Variants in ZBTB20 observed in about 807,000 individuals in gnomAD.
ZBTB20 encodes the protein zinc finger and BTB domain containing 20, also known as zinc finger and BTB domain-containing protein 20.
A neutral mutation model predicts 56.9 loss-of-function variants in ZBTB20; 9 were observed. The observed-to-expected ratio is 0.16, with a 90% confidence interval of 0.10 to 0.28. ZBTB20 has a LOEUF of 0.28. Among genes scored for constraint, ZBTB20 ranks in the 10% least tolerant of loss-of-function variants. The probability of loss-of-function intolerance (pLI) is 1.00; values close to 1 mark genes in which losing one functional copy is unlikely to be tolerated. For synonymous variants in ZBTB20, 417 were observed against 420.7 expected (o/e 0.99, Z 0.11); for missense variants, 655 against 1,003.0 (o/e 0.65, Z 4.69).
intron 6 of ZBTB20, among the ~76,000 whole-genome samples, chr3:114,608,976 C>T (rs1156761115): frequency 6.6e-6 from 1 of 152,190 alleles, no homozygotes. Context: ...TGAGTCCAGT[C>T]TTTGTCCTGC....
At chr3:114,633,035 A>G (rs911264769) in intron 6 of ZBTB20, among the ~76,000 whole-genome samples, 1 of 152,242 alleles carries the variant, frequency 6.6e-6, no homozygotes, top group Admixed American at 6.5e-5. Flanking sequence ...TTTACTACAT[A>G]GAAAGAATTA....
At chr3:114,564,803 T>G (rs974243699) in intron 6 of ZBTB20, among the ~76,000 whole-genome samples, 3 of 152,228 alleles carry the variant, frequency 2.0e-5, no homozygotes, top group African/African-American at 7.2e-5. Context: ...ATCTTTCTTG[T>G]GCTCTTCCTT....
At chr3:114,868,776 G>A (rs1474704110) in intron 4 of ZBTB20, among the ~76,000 whole-genome samples, 2 of 151,922 alleles carry the variant, frequency 1.3e-5, no homozygotes, top group East Asian at 1.9e-4. Flanking sequence ...AGTATTTTTT[G>A]TTCATAATAA....
At chr3:114,687,635 G>T (rs890492847) in intron 6 of ZBTB20, 2 of 142,920 alleles carry the variant, frequency 1.4e-5, no homozygotes, top group Non-Finnish European at 3.1e-5. Flanking sequence ...AAGAAAGAAA[G>T]AAATGAGTTC....
At chr3:114,807,428 TC>T (rs1175370306) in intron 4 of ZBTB20, among the ~76,000 whole-genome samples, 2 of 151,594 alleles carry the variant, frequency 1.3e-5, no homozygotes, top group Non-Finnish European at 2.9e-5. Flanking sequence ...TCCCTTCCCC[TC>T]CCCCTCCCCT....
Position 114,337,103 on chromosome 3 carries a change from G to A in ZBTB20, c.*1902C>T, listed in dbSNP as rs1263710251. On this transcript the variant is annotated 3_prime_UTR_variant, in exon 12 of 12. Coordinates refer to ENST00000675478, the MANE Select transcript of ZBTB20 (RefSeq NM_001348800.3). Reference sequence around the variant, plus strand: ...TTTTGAATGGTGGCTGTTGGCATCTGGGAATTTTTTTGTTAATTTCCCTAA... The same window carrying A: ...TTTTGAATGGTGGCTGTTGGCATCTAGGAATTTTTTTGTTAATTTCCCTAA... The A allele has an allele frequency of 6.6e-6, 1 of 152,170 alleles. No homozygotes were observed. The highest frequency in any genetic ancestry group is 2.4e-5 in the African/African-American group (1 of 41,442). 9.4% of individuals were successfully genotyped at this position (152,170 alleles called of 1,614,324 possible).
intron 5 of ZBTB20, among the ~76,000 whole-genome samples, chr3:114,733,268 G>A (rs1323538617): frequency 6.6e-6 from 1 of 152,124 alleles, no homozygotes. Context: ...GTCTCAATAA[G>A]GCTTGACTTT....
intron 7 of ZBTB20, among the ~76,000 whole-genome samples, chr3:114,430,716 A>G (rs919788792): frequency 6.6e-6 from 1 of 152,208 alleles, no homozygotes; most frequent in African/African-American, 2.4e-5. Context: ...CTAAAAACAT[A>G]AAAAATACCC....
intron 5 of ZBTB20, among the ~76,000 whole-genome samples, chr3:114,775,468 ATTT>A (rs2069523282): frequency 6.6e-6 from 1 of 150,530 alleles, no homozygotes; most frequent in Non-Finnish European, 1.5e-5. Flanking sequence ...CTGTTGCCTT[ATTT>A]AATTTTTTTT....
At position 114,320,120 on chromosome 3, in the gene ZBTB20, A is replaced by AT. The variant is rs1330583029; in HGVS notation, c.*18884dup. Reference sequence around the variant, plus strand: ...TATTTTCAGCATTGTAGTTTAAACTATGTATTTTTCTTACTTGATGATATT... The same window carrying AT: ...TATTTTCAGCATTGTAGTTTAAACTATTGTATTTTTCTTACTTGATGATATT... On this transcript the variant is annotated 3_prime_UTR_variant, in exon 12 of 12. Coordinates refer to ENST00000675478, the MANE Select transcript of ZBTB20 (RefSeq NM_001348800.3). The AT allele has an allele frequency of 6.6e-6, 1 of 152,090 alleles. No homozygotes were observed. Among genetic ancestry groups the AT allele is most frequent in the African/African-American group, 2.4e-5 (1 of 41,412 alleles). The allele number at this position is 152,090 out of a possible 1,614,324, so 9.4% of individuals were successfully genotyped here. A position where few individuals can be genotyped will look rare whatever the true frequency, so the allele number is the denominator to read the frequency against.
chr3:114,384,533 T>A (rs193258464), intron 8 of ZBTB20, among the ~76,000 whole-genome samples: 5 of 151,730 alleles, frequency 3.3e-5, no homozygotes, highest in Admixed American at 2.6e-4. Context: ...AGTTCTGACA[T>A]TCTGACTGAA....
At chr3:115,000,706 C>T (rs2079211051) in intron 2 of ZBTB20, among the ~76,000 whole-genome samples, 1 of 151,618 alleles carries the variant, frequency 6.6e-6, no homozygotes, top group South Asian at 2.1e-4. Context: ...CTCAGTGTTA[C>T]TCAGTGATGT....
At chr3:114,946,458 C>A (rs1259518655) in intron 3 of ZBTB20, among the ~76,000 whole-genome samples, 2 of 144,976 alleles carry the variant, frequency 1.4e-5, no homozygotes, top group Non-Finnish European at 3.0e-5. Context: ...CAAATATAAG[C>A]AGTAGTCTTC....
chr3:114,544,911 G>A (rs2049682971), intron 6 of ZBTB20, among the ~76,000 whole-genome samples: 3 of 152,184 alleles, frequency 2.0e-5, no homozygotes, highest in South Asian at 2.1e-4. Flanking sequence ...AAGATAGTAT[G>A]TCTAGGAACT....
chr3:114,645,097 A>G (rs1443557748), intron 6 of ZBTB20, among the ~76,000 whole-genome samples: 2 of 152,118 alleles, frequency 1.3e-5, no homozygotes, highest in Non-Finnish European at 2.9e-5. Context: ...GAACTATTAC[A>G]AAGTTTAAAG....
intron 8 of ZBTB20, among the ~76,000 whole-genome samples, chr3:114,385,611 G>A (rs1433536705): frequency 6.6e-6 from 1 of 152,204 alleles, no homozygotes; most frequent in African/African-American, 2.4e-5. Context: ...GCTCATGCCT[G>A]TAATCCCAGT....
At chr3:114,537,539 G>A (rs1482025525) in intron 6 of ZBTB20, among the ~76,000 whole-genome samples, 5 of 152,176 alleles carry the variant, frequency 3.3e-5, no homozygotes, top group Admixed American at 1.3e-4. Context: ...CTGTTGGTGG[G>A]AGTGTAAATT....
In ZBTB20 at chr3:114,392,034, T is replaced by C. The variant is rs546556323; in HGVS notation, c.-254-2929A>G. 2.0e-5 allele frequency among the ~76,000 whole-genome samples: 3 copies of C among 152,326 alleles called. No individual in the cohort carries two copies. The East Asian group carries it at 5.8e-4, about 29-fold the overall frequency. On this transcript the variant is annotated intron_variant, in intron 7 of 11. Coordinates refer to ENST00000675478, the MANE Select transcript of ZBTB20 (RefSeq NM_001348800.3). ...CTTCAACAAACCGAACTAATAAATA[T>C]GTTTTATAGTTAAATGTTGTCTAAA...
intron 6 of ZBTB20, among the ~76,000 whole-genome samples, chr3:114,657,436 T>C (rs766897733): frequency 3.3e-5 from 5 of 152,218 alleles, no homozygotes; most frequent in African/African-American, 7.2e-5. Context: ...TCAGCTCTTT[T>C]AGCTTTCTAG....
Sources: gnomAD v4.1 joint callset for allele counts (sites outside exome capture counted in the v4.1 genomes callset) on GRCh38, gnomAD v4.1.1 for gene constraint, MANE v1.5 for transcripts, NCBI Gene and HGNC (gene_info 2026-07-23, HGNC 2026-07-21) for gene names.